The following SORCS1 variants were observed in gnomAD, a reference collection of about 807,000 sequenced individuals.
The protein encoded by SORCS1 is VPS10 domain-containing receptor SorCS1.
SORCS1 carries 60 observed loss-of-function variants against 146.1 expected under a neutral mutation model. The observed-to-expected ratio is 0.41, with a 90% CI of 0.33 to 0.51. The LOEUF is 0.51. Ranked by LOEUF, SORCS1 falls within the 20% of genes least tolerant of loss-of-function variation. The probability of loss-of-function intolerance (pLI) is 0.21; values close to 1 mark genes in which losing one functional copy is unlikely to be tolerated. For synonymous variants in SORCS1, 637 were observed against 584.0 expected (o/e 1.09, Z -1.31); for missense variants, 1,352 against 1,487.6 (o/e 0.91, Z 1.50).
chr10:106,699,759 A>G (rs1311757232), intron 8 of SORCS1, among the ~76,000 whole-genome samples: 2 of 152,180 alleles, frequency 1.3e-5, no homozygotes, highest in African/African-American at 2.4e-5. Flanking sequence ...TATATGGGGT[A>G]GATATGAGGA....
At chr10:106,585,390 C>T (rs2133230325) in intron 24 of SORCS1, among the ~76,000 whole-genome samples, 1 of 152,262 alleles carries the variant, frequency 6.6e-6, no homozygotes, top group East Asian at 1.9e-4. Context: ...GCATGCCTGA[C>T]TTTTATATTT....
intron 5 of SORCS1, among the ~76,000 whole-genome samples, chr10:106,750,728 CAAAAAAAAAAAAAAAAAAAAA>C (rs572295853): frequency 8.3e-5 from 2 of 24,020 alleles, no homozygotes; most frequent in African/African-American, 3.0e-4. Context: ...GACTCCCTCT[CAAAAAAAAAAAAAAAAAAAAA>C]AAAAAAAAAA....
intron 2 of SORCS1, among the ~76,000 whole-genome samples, chr10:106,917,162 T>TAATC (rs1432835623): frequency 6.6e-6 from 1 of 152,210 alleles, no homozygotes; most frequent in African/African-American, 2.4e-5. Flanking sequence ...AACTCCTGTA[T>TAATC]AATCTCTCTC....
chr10:107,035,272 A>AAC (rs1958853738), intron 1 of SORCS1, among the ~76,000 whole-genome samples: 1 of 143,558 alleles, frequency 7.0e-6, no homozygotes, highest in Non-Finnish European at 1.5e-5. Flanking sequence ...CAAAAAAAAA[A>AAC]AAACAACAAA....
intron 1 of SORCS1, among the ~76,000 whole-genome samples, chr10:107,108,818 A>C (rs549281034): frequency 6.6e-6 from 1 of 152,336 alleles, no homozygotes; most frequent in African/African-American, 2.4e-5. Flanking sequence ...CATAAAAAAA[A>C]CAAATTTGTT....
intron 25 of SORCS1, 156 bp downstream of exon 25, chr10:106,579,213 T>C: frequency 1.2e-6 from 2 of 1,614,140 alleles, no homozygotes; most frequent in East Asian, 4.5e-5. Flanking sequence ...TTCTTTCTCA[T>C]TCTGCATCTG....
chr10:106,660,731 T>C (rs1009513575), intron 17 of SORCS1, among the ~76,000 whole-genome samples: 18 of 147,614 alleles, frequency 1.2e-4, no homozygotes, highest in Admixed American at 2.7e-4. Context: ...TCTTGGGCAA[T>C]AGAGTGAGAC....
intron 2 of SORCS1, among the ~76,000 whole-genome samples, chr10:106,927,335 G>A (rs1953102290): frequency 6.6e-6 from 1 of 152,040 alleles, no homozygotes; most frequent in Non-Finnish European, 1.5e-5. Context: ...GAGTGTTACA[G>A]CTTTTAAGGC....
chr10:106,929,047 C>T (rs948747883), intron 2 of SORCS1, among the ~76,000 whole-genome samples: 5 of 151,804 alleles, frequency 3.3e-5, no homozygotes, highest in African/African-American at 1.2e-4. Flanking sequence ...TTAAATCATC[C>T]ATAAGAAATG....
At chr10:107,099,864 C>T (rs964312780) in intron 1 of SORCS1, among the ~76,000 whole-genome samples, 2 of 152,218 alleles carry the variant, frequency 1.3e-5, no homozygotes, top group East Asian at 1.9e-4. Context: ...GCAAAATATA[C>T]ATGATTTCTG....
Position 106,742,286 on chromosome 10 carries a change from T to C in SORCS1, c.960-12172A>G, listed in dbSNP as rs564785404. On this transcript the variant is annotated intron_variant, in intron 5 of 25. Coordinates refer to ENST00000263054, the MANE Select transcript of SORCS1 (RefSeq NM_052918.5). ...TTTCAGATTTTAGAATGTCTACATA[T>C]ACATACTGAGATATCTTAGGGATGG... is the stretch of plus-strand genomic sequence containing the variant. 3.3e-5 allele frequency among the ~76,000 whole-genome samples: 5 copies of C among 152,344 alleles called. No homozygotes were observed. The South Asian group carries it at 1.0e-3, about 32-fold the overall frequency.
At chr10:106,727,344 CATA>C (rs1483397512) in intron 6 of SORCS1, among the ~76,000 whole-genome samples, 1 of 152,170 alleles carries the variant, frequency 6.6e-6, no homozygotes, top group Non-Finnish European at 1.5e-5. Flanking sequence ...GTGCTGGAGA[CATA>C]ATGTTTTTGT....
intron 2 of SORCS1, among the ~76,000 whole-genome samples, chr10:106,836,873 C>T (rs1231062134): frequency 1.3e-5 from 2 of 152,152 alleles, no homozygotes; most frequent in African/African-American, 4.8e-5. Flanking sequence ...CAGTTAATGA[C>T]TTGATGATGC....
chr10:106,977,765 G>A (rs1387014512), intron 1 of SORCS1, among the ~76,000 whole-genome samples: 2 of 152,118 alleles, frequency 1.3e-5, no homozygotes, highest in Admixed American at 1.3e-4. Context: ...GGACAAATGA[G>A]ATTATTTGTG....
At chr10:106,860,539 C>G (rs1295043530) in intron 2 of SORCS1, among the ~76,000 whole-genome samples, 1 of 152,182 alleles carries the variant, frequency 6.6e-6, no homozygotes, top group African/African-American at 2.4e-5. Flanking sequence ...CTGGTATGAT[C>G]CACATTTTAC....
Position 106,611,970 on chromosome 10 carries a change from G to T in SORCS1, c.2974C>A (p.Pro992Thr). Reference sequence around the variant, plus strand: ...TCCCTCCTCCACTCAGGGATGTCCGGGTTGTAGTCATCCAGGTTTGGAGAA... The same window carrying T: ...TCCCTCCTCCACTCAGGGATGTCCGTGTTGTAGTCATCCAGGTTTGGAGAA... ...SFSPNLDDYN[P>T]DIPEWRRDIG... is the part of the protein sequence containing the mutation. Residue 992 changes from proline to threonine, a missense_variant, in exon 22 of 26, where the codon CCG becomes ACG. Pro to Thr is a conservative substitution (Grantham distance 38). Around this residue, in one of 3 missense-constraint regions of SORCS1, gnomAD observed 648 missense variants for 793.8 expected, o/e 0.82. Transcript: ENST00000263054. 6.2e-7 allele frequency: 1 copy of T among 1,614,136 alleles called. No individual in the cohort carries two copies. Among genetic ancestry groups the T allele is most frequent in the South Asian group, 1.1e-5 (1 of 91,082 alleles).
chr10:106,909,892 A>G (rs184050175), intron 2 of SORCS1, among the ~76,000 whole-genome samples: 1 of 152,270 alleles, frequency 6.6e-6, no homozygotes, highest in Admixed American at 6.5e-5. Context: ...GTGGTTGCTG[A>G]TATGGGGGGA....
At chr10:107,084,148 T>A (rs1963576825) in intron 1 of SORCS1, among the ~76,000 whole-genome samples, 1 of 144,754 alleles carries the variant, frequency 6.9e-6, no homozygotes, top group Non-Finnish European at 1.5e-5. Context: ...CAGGCTGGAG[T>A]GCAGTGGTGA....
At chr10:107,078,906 A>C (rs1446077916) in intron 1 of SORCS1, among the ~76,000 whole-genome samples, 1 of 152,232 alleles carries the variant, frequency 6.6e-6, no homozygotes, top group East Asian at 1.9e-4. Flanking sequence ...CACAAAAGGT[A>C]CTCAAGGAGT....
Sources: gnomAD v4.1 joint callset for allele counts (sites outside exome capture counted in the v4.1 genomes callset) on GRCh38, gnomAD v4.1.1 for gene constraint, gnomAD v4.1.1 regional missense constraint, MANE v1.5 for transcripts, NCBI Gene and HGNC (gene_info 2026-07-23, HGNC 2026-07-21) for gene names.